Variants in ST7 observed in about 807,000 individuals in gnomAD.
The protein encoded by ST7 is suppressor of tumorigenicity 7 protein.
ST7 carries 28 observed loss-of-function variants against 78.7 expected under a neutral mutation model. The observed-to-expected ratio is 0.36, with a 90% CI of 0.26 to 0.49. The LOEUF is 0.49. Ranked by LOEUF, ST7 falls within the 20% of genes least tolerant of loss-of-function variation. The pLI is 0.99. For synonymous variants in ST7, 247 were observed against 249.6 expected, an observed-to-expected ratio of 0.99 and a Z score of 0.10; for missense variants, 418 against 696.0, an observed-to-expected ratio of 0.60 and a Z score of 4.49.
At chr7:116,973,376 G>T (rs1281699195) in intron 1 of ST7, among the ~76,000 whole-genome samples, 5 of 152,068 alleles carry the variant, frequency 3.3e-5, no homozygotes, top group Non-Finnish European at 5.9e-5. Flanking sequence ...TTCCATCTCA[G>T]CCTCCCGAGT....
At chr7:117,210,453 G>A (rs913068139) in intron 13 of ST7, among the ~76,000 whole-genome samples, 1 of 152,200 alleles carries the variant, frequency 6.6e-6, no homozygotes, top group African/African-American at 2.4e-5. Flanking sequence ...TAGCATTCAT[G>A]TATTAACGGA....
intron 1 of ST7, among the ~76,000 whole-genome samples, chr7:116,996,648 T>C (rs1370019972): frequency 6.6e-6 from 1 of 152,216 alleles, no homozygotes; most frequent in African/African-American, 2.4e-5. Context: ...CATTCTTCTT[T>C]ATTAATATGC....
chr7:117,051,458 G>A (rs1797788024), intron 1 of ST7, among the ~76,000 whole-genome samples: 4 of 152,164 alleles, frequency 2.6e-5, no homozygotes, highest in African/African-American at 9.7e-5. Flanking sequence ...CTTGACCTTT[G>A]CCTGTTCAGA....
intron 1 of ST7, among the ~76,000 whole-genome samples, chr7:116,988,800 C>A (rs1279108143): frequency 6.6e-6 from 1 of 152,190 alleles, no homozygotes; most frequent in Non-Finnish European, 1.5e-5. Context: ...ATCCAACTTG[C>A]CTCAGACTGA....
chr7:117,002,873 G>T (rs1016501573), intron 1 of ST7, among the ~76,000 whole-genome samples: 2 of 126,122 alleles, frequency 1.6e-5, no homozygotes, highest in African/African-American at 3.1e-5. Context: ...GCCCAGGCTG[G>T]AGTGCAAGGG....
chr7:117,037,893 A>AGT (rs1391776915), intron 1 of ST7, among the ~76,000 whole-genome samples: 1 of 152,196 alleles, frequency 6.6e-6, no homozygotes, highest in Non-Finnish European at 1.5e-5. Flanking sequence ...AATTGTGCTC[A>AGT]GTGTGTGGAG....
At chr7:116,964,744 G>A (rs1330810227) in intron 1 of ST7, among the ~76,000 whole-genome samples, 1 of 152,168 alleles carries the variant, frequency 6.6e-6, no homozygotes, top group Non-Finnish European at 1.5e-5. Context: ...ACATTTGAGA[G>A]ATGAAGCATG....
chr7:117,134,455 A>G (rs959992076), intron 7 of ST7, among the ~76,000 whole-genome samples: 2 of 151,982 alleles, frequency 1.3e-5, no homozygotes, highest in Admixed American at 6.6e-5. Flanking sequence ...GCGTTTCCAC[A>G]TAGATGTATG....
At chr7:117,135,774 G>T (rs748336458) in intron 7 of ST7, among the ~76,000 whole-genome samples, 1 of 152,102 alleles carries the variant, frequency 6.6e-6, no homozygotes, top group Non-Finnish European at 1.5e-5. Flanking sequence ...TGTGAACAAA[G>T]ATTCCATGTT....
chr7:117,082,614 A>G (rs1799868614), intron 1 of ST7, among the ~76,000 whole-genome samples: 1 of 152,226 alleles, frequency 6.6e-6, no homozygotes, highest in Non-Finnish European at 1.5e-5. Flanking sequence ...CCCCTGAAAT[A>G]TATTCTTATT....
At chr7:117,226,623 A>G (rs2082143297) in intron 15 of ST7, among the ~76,000 whole-genome samples, 1 of 152,164 alleles carries the variant, frequency 6.6e-6, no homozygotes, top group African/African-American at 2.4e-5. Context: ...ATATCTCCTG[A>G]TGGAGCTTTT....
intron 1 of ST7, among the ~76,000 whole-genome samples, chr7:117,016,719 T>C (rs1002445880): frequency 2.0e-5 from 3 of 152,226 alleles, no homozygotes; most frequent in African/African-American, 2.4e-5. Context: ...AATACATTAA[T>C]TAAATTACCT....
At chr7:117,085,447 C>T (rs933335566) in intron 1 of ST7, among the ~76,000 whole-genome samples, 2 of 152,176 alleles carry the variant, frequency 1.3e-5, no homozygotes, top group African/African-American at 4.8e-5. Context: ...CATGTAATGA[C>T]ATGCCTCTCT....
chr7:117,095,744 A>G (rs1339522030), intron 1 of ST7, among the ~76,000 whole-genome samples: 3 of 152,184 alleles, frequency 2.0e-5, no homozygotes, highest in African/African-American at 7.2e-5. Context: ...CCTAACAAGT[A>G]TGGAGGTGAC....
chr7:117,169,587 C>T (rs1038739324), intron 9 of ST7, among the ~76,000 whole-genome samples: 1 of 152,118 alleles, frequency 6.6e-6, no homozygotes, highest in Non-Finnish European at 1.5e-5. Flanking sequence ...GTGGACCATT[C>T]CTTTAATCAT....
At chr7:117,028,545 G>A (rs1453757374) in intron 1 of ST7, among the ~76,000 whole-genome samples, 1 of 152,106 alleles carries the variant, frequency 6.6e-6, no homozygotes, top group Non-Finnish European at 1.5e-5. Context: ...CGCATGGATG[G>A]TCCAAGCCCG....
At chr7:117,118,862 A>AGCG (rs1417055930) in intron 2 of ST7, among the ~76,000 whole-genome samples, 1 of 152,178 alleles carries the variant, frequency 6.6e-6, no homozygotes, top group African/African-American at 2.4e-5. Flanking sequence ...CATTACTGAA[A>AGCG]GTTACTTCTT....
intron 1 of ST7, among the ~76,000 whole-genome samples, chr7:117,083,119 G>A (rs896560780): frequency 1.3e-5 from 2 of 152,134 alleles, no homozygotes; most frequent in Non-Finnish European, 2.9e-5. Flanking sequence ...GAGTGCAATG[G>A]CACGATCTTG....
At chr7:117,025,587 A>G (rs1362857546) in intron 1 of ST7, among the ~76,000 whole-genome samples, 1 of 152,206 alleles carries the variant, frequency 6.6e-6, no homozygotes, top group Non-Finnish European at 1.5e-5. Context: ...TGTAAAAGAA[A>G]AATATTGCAT....
Sources: allele counts gnomAD v4.1 joint callset (sites outside exome capture counted in the v4.1 genomes callset), GRCh38; gene constraint gnomAD v4.1.1; transcripts MANE v1.5; gene names NCBI Gene and HGNC (gene_info 2026-07-23, HGNC 2026-07-21).